NAA50: variants seen among roughly 807,000 people sequenced by gnomAD.
The protein encoded by NAA50 is N-alpha-acetyltransferase 50, NatE catalytic subunit, also known as N-alpha-acetyltransferase 50.
A neutral mutation model predicts 20.7 loss-of-function variants in NAA50; 7 were observed. That is an observed-to-expected ratio of 0.34 (90% confidence interval 0.19 to 0.63). NAA50 has a LOEUF of 0.63. Ranked by LOEUF, NAA50 falls within the 30% of genes least tolerant of loss-of-function variation. The pLI is 0.75. For missense variants in NAA50, 111 were observed against 199.1 expected (o/e 0.56, Z 2.66); for synonymous variants, 54 against 70.6 (o/e 0.77, Z 1.18).
At chr3:113,732,822 A>G (rs1463229858) in intron 1 of NAA50, among the ~76,000 whole-genome samples, 5 of 152,176 alleles carry the variant, frequency 3.3e-5, no homozygotes, top group Non-Finnish European at 5.9e-5. Flanking sequence ...AGTGAAACCC[A>G]TTTCAGACAT....
At chr3:113,727,945 A>G (rs923433819) in intron 1 of NAA50, among the ~76,000 whole-genome samples, 4 of 152,188 alleles carry the variant, frequency 2.6e-5, no homozygotes, top group African/African-American at 7.2e-5. Flanking sequence ...CATTAACATG[A>G]TATGTCTGAC....
chr3:113,736,103 C>CT (rs1265210656), intron 1 of NAA50, among the ~76,000 whole-genome samples: 1 of 152,186 alleles, frequency 6.6e-6, no homozygotes, highest in Admixed American at 6.5e-5. Flanking sequence ...TACTGATCTA[C>CT]TTTATGTGGT....
intron 1 of NAA50, among the ~76,000 whole-genome samples, chr3:113,744,658 T>C (rs1003448201): frequency 4.6e-5 from 7 of 152,200 alleles, no homozygotes; most frequent in Non-Finnish European, 8.8e-5. Context: ...TGTGAAACAA[T>C]GCAGGTACTG....
At chr3:113,745,733 G>A (rs972106733) in intron 1 of NAA50, 5 of 557,570 alleles carry the variant, frequency 9.0e-6, no homozygotes, top group African/African-American at 4.0e-5. Context: ...GAAGCCCCCC[G>A]GGTCTTGCCT....
intron 1 of NAA50, chr3:113,741,111 G>T: frequency 3.6e-6 from 2 of 548,796 alleles, no homozygotes; most frequent in South Asian, 3.1e-5. Context: ...TTATGTGGAT[G>T]ACTATACTTG....
At chr3:113,731,821 T>C (rs1216790041) in intron 1 of NAA50, among the ~76,000 whole-genome samples, 2 of 152,230 alleles carry the variant, frequency 1.3e-5, no homozygotes, top group East Asian at 3.8e-4. Context: ...CTGAATAGTA[T>C]TCTATTTTGG....
chr3:113,735,944 C>T (rs544971404), intron 1 of NAA50, among the ~76,000 whole-genome samples: 112 of 152,326 alleles, frequency 7.4e-4, no homozygotes, highest in African/African-American at 2.5e-3. Flanking sequence ...CCTCGGCCCC[C>T]GAAAGTGCTG....
At chr3:113,740,966 G>A (rs531810629) in intron 1 of NAA50, 16 of 513,682 alleles carry the variant, frequency 3.1e-5, no homozygotes, top group South Asian at 9.1e-5. Context: ...GAACTTTACC[G>A]ATGTTATCAA....
At chr3:113,724,235 T>C in intron 1 of NAA50, 140 bp from the exon 2 acceptor site, 1 of 912,880 alleles carries the variant, frequency 1.1e-6, no homozygotes, top group Non-Finnish European at 1.5e-6. Flanking sequence ...AAATTATCAT[T>C]TATAAGCAAA....
chr3:113,744,486 GAACAA>G (rs1170971517), intron 1 of NAA50, among the ~76,000 whole-genome samples: 2 of 150,934 alleles, frequency 1.3e-5, no homozygotes, highest in Admixed American at 1.3e-4. Context: ...AAAATGAAAA[GAACAA>G]AACAAAAGGA....
chr3:113,737,450 C>G (rs1244213749), intron 1 of NAA50, among the ~76,000 whole-genome samples: 8 of 152,214 alleles, frequency 5.3e-5, no homozygotes, highest in Non-Finnish European at 7.3e-5. Flanking sequence ...TCAACACTAA[C>G]TGCTCATGAG....
intron 1 of NAA50, among the ~76,000 whole-genome samples, chr3:113,732,845 CTG>C (rs1173482390): frequency 6.6e-6 from 1 of 152,208 alleles, no homozygotes; most frequent in African/African-American, 2.4e-5. Context: ...AACCTCTAAA[CTG>C]TGGCTGTGAC....
At chr3:113,725,766 A>G (rs1449117970) in intron 1 of NAA50, among the ~76,000 whole-genome samples, 1 of 152,070 alleles carries the variant, frequency 6.6e-6, no homozygotes, top group African/African-American at 2.4e-5. Context: ...TCTCAAAAAC[A>G]AAACAAAAAA....
At chr3:113,730,248 C>T (rs1016196419) in intron 1 of NAA50, among the ~76,000 whole-genome samples, 4 of 152,144 alleles carry the variant, frequency 2.6e-5, no homozygotes, top group South Asian at 2.1e-4. Context: ...TGCAGTGAGC[C>T]GAGATCGCCA....
At chr3:113,744,025 G>GC (rs1408851689) in intron 1 of NAA50, among the ~76,000 whole-genome samples, 1 of 152,110 alleles carries the variant, frequency 6.6e-6, no homozygotes, top group East Asian at 1.9e-4. Flanking sequence ...TAATTTCCTG[G>GC]CAACCCCTTC....
Position 113,721,682 on chromosome 3 carries a change from T to G in NAA50, c.*78A>C. The G allele has an allele frequency of 2.1e-6, 3 of 1,442,284 alleles. No homozygotes were observed. Among genetic ancestry groups the G allele is most frequent in the Non-Finnish European group, 2.9e-6 (3 of 1,036,280 alleles). The allele number at this position is 1,442,284 out of a possible 1,614,324, so 89.3% of individuals were successfully genotyped here. On this transcript the variant is annotated 3_prime_UTR_variant, in exon 5 of 5. Transcript: ENST00000240922. Reference sequence around the variant, plus strand: ...GGAGAAAAGCTTTAAAAGAAAAGTGTTGGGGTGGGGGAGGAATCAATGGGC... The same window carrying G: ...GGAGAAAAGCTTTAAAAGAAAAGTGGTGGGGTGGGGGAGGAATCAATGGGC...
At chr3:113,745,732 C>T (rs1708485615) in intron 1 of NAA50, 3 of 568,872 alleles carry the variant, frequency 5.3e-6, no homozygotes, top group Non-Finnish European at 9.0e-6. Flanking sequence ...TGAAGCCCCC[C>T]GGGTCTTGCC....
Position 113,717,496 on chromosome 3 carries a change from GCT to G in NAA50, c.*4262_*4263del. The G allele has an allele frequency of 6.6e-6, 1 of 152,156 alleles. No homozygotes were observed. Among genetic ancestry groups the G allele is most frequent in the South Asian group, 2.1e-4 (1 of 4,832 alleles). The allele number at this position is 152,156 out of a possible 1,614,324, so 9.4% of individuals were successfully genotyped here. A position where few individuals can be genotyped will look rare whatever the true frequency, so the allele number is the denominator to read the frequency against. ...ACACACATTAAGAAATCTGACTCAA[GCT>G]CTTTTTCCCATGTGACTATGTTACT... is the stretch of plus-strand genomic sequence containing the variant. On this transcript the variant is annotated 3_prime_UTR_variant, in exon 5 of 5. Coordinates refer to ENST00000240922, the MANE Select transcript of NAA50 (RefSeq NM_025146.4).
intron 1 of NAA50, among the ~76,000 whole-genome samples, chr3:113,741,764 T>C (rs959842005): frequency 6.6e-6 from 1 of 152,212 alleles, no homozygotes; most frequent in Non-Finnish European, 1.5e-5. Context: ...TGTTTAGAGC[T>C]TTCCTAAGAG....
Sources: gnomAD v4.1 joint callset for allele counts (sites outside exome capture counted in the v4.1 genomes callset) on GRCh38, gnomAD v4.1.1 for gene constraint, MANE v1.5 for transcripts, NCBI Gene and HGNC (gene_info 2026-07-23, HGNC 2026-07-21) for gene names.